Variants in CFAP221 observed in about 807,000 individuals in gnomAD.
CFAP221 encodes cilia- and flagella-associated protein 221.
CFAP221 carries 97 observed loss-of-function variants against 113.1 expected under a neutral mutation model. The ratio of observed to expected loss-of-function variants is 0.86; its 90% CI spans 0.73 to 1.02. CFAP221 has a LOEUF of 1.02. CFAP221 is among the 50% of genes least tolerant of loss of function. The pLI, the probability that CFAP221 is intolerant of heterozygous loss-of-function variation, is 0.00. For synonymous variants in CFAP221, 331 were observed against 354.4 expected, an observed-to-expected ratio of 0.93 and a Z score of 0.74; for missense variants, 1,025 against 1,013.4, an observed-to-expected ratio of 1.01 and a Z score of -0.16.
intron 6 of CFAP221, among the ~76,000 whole-genome samples, chr2:119,585,986 T>TA (rs1198584810): frequency 6.6e-6 from 1 of 152,134 alleles, no homozygotes; most frequent in Non-Finnish European, 1.5e-5. Flanking sequence ...CAAACCAGAT[T>TA]ACAACTGTGT....
Position 119,646,961 on chromosome 2 carries a change from C to A in CFAP221, c.2229C>A (p.Cys743Ter). The change falls in exon 22 of 24, where the codon TGC becomes TGA. Residue 743 changes from cysteine to a stop codon, truncating the protein, a stop_gained. Transcript: ENST00000413369. LOFTEE classifies it high-confidence loss of function. Reference protein sequence around the residue: ...DPSKMETTKSCDSFNSFMLPI... With the variant: ...DPSKMETTKS ...TGCTTGTGTGGTTTTTCCACAGCTG[C>A]GATTCCTTCAATTCATTTATGCTTC... The A allele has an allele frequency of 1.2e-6, 2 of 1,613,012 alleles. No individual in the cohort carries two copies. Among genetic ancestry groups the A allele is most frequent in the Non-Finnish European group, 1.7e-6 (2 of 1,179,268 alleles).
chr2:119,659,323 T>C (rs1688542891), downstream of CFAP221, among the ~76,000 whole-genome samples: 1 of 152,248 alleles, frequency 6.6e-6, no homozygotes, highest in African/African-American at 2.4e-5. Flanking sequence ...TCTGTTGCTT[T>C]CTTTGTCTCC....
chr2:119,608,792 C>G (rs1264009180), intron 12 of CFAP221, among the ~76,000 whole-genome samples: 1 of 152,054 alleles, frequency 6.6e-6, no homozygotes, highest in Non-Finnish European at 1.5e-5. Flanking sequence ...GATTCAGAAG[C>G]CAGAGAGGAG....
intron 7 of CFAP221, among the ~76,000 whole-genome samples, chr2:119,588,612 C>A (rs4405768): frequency 0.99 from 151,110 of 152,336 alleles, 74,960 homozygotes; most frequent in East Asian, 1. Context: ...CCTTTCCCTC[C>A]GTGCTCAGAT....
chr2:119,564,349 C>G (rs906197483), intron 6 of CFAP221, among the ~76,000 whole-genome samples: 1 of 152,156 alleles, frequency 6.6e-6, no homozygotes, highest in Non-Finnish European at 1.5e-5. Flanking sequence ...CTCACTCTCT[C>G]TGCTTACTTT....
intron 7 of CFAP221, among the ~76,000 whole-genome samples, chr2:119,590,534 G>A (rs539039796): frequency 2.5e-4 from 38 of 152,180 alleles, no homozygotes; most frequent in South Asian, 4.1e-4. Context: ...TGGACTTGCC[G>A]CTAGTCCAAT....
intron 2 of CFAP221, among the ~76,000 whole-genome samples, chr2:119,547,135 A>G (rs1328759689): frequency 6.6e-6 from 1 of 152,232 alleles, no homozygotes; most frequent in African/African-American, 2.4e-5. Context: ...GTATTTGGAT[A>G]TGCTTCTTTT....
At chr2:119,599,161 C>A (rs1292471354) in intron 7 of CFAP221, among the ~76,000 whole-genome samples, 3 of 152,194 alleles carry the variant, frequency 2.0e-5, no homozygotes, top group Non-Finnish European at 4.4e-5. Context: ...TTGACTTCTG[C>A]TCTCAGGAAA....
In CFAP221 at chr2:119,647,050, G is replaced by A. The variant is rs536391548; in HGVS notation, c.2318G>A (p.Arg773His). The A allele has an allele frequency of 8.9e-6, 13 of 1,467,602 alleles. No homozygotes were observed. The South Asian group carries it at 9.6e-5, about 11-fold the overall frequency. The allele number at this position is 1,467,602 out of a possible 1,614,324, so 90.9% of individuals were successfully genotyped here. A position where few individuals can be genotyped will look rare whatever the true frequency, so the allele number is the denominator to read the frequency against. Residue 773 changes from arginine (R) to histidine (H), a missense_variant and splice_region_variant, in exon 22 of 24, where the codon CGT becomes CAT. Transcript: ENST00000413369. ...PEEDRLETVE[R>H]ELCEQNVEVM... is the part of the protein sequence containing the mutation. ...GAGGACAGACTAGAAACAGTAGAAC[G>A]GTATTTTTTTTTTTTTTAATCTTTG...
At chr2:119,656,934 AG>A (rs1688467318), downstream of CFAP221, among the ~76,000 whole-genome samples, 2 of 152,280 alleles carry the variant, frequency 1.3e-5, no homozygotes, top group African/African-American at 4.8e-5. Context: ...AGACAGTGGC[AG>A]GGGACCTGGA....
chr2:119,550,057 C>T (rs1680312207), intron 3 of CFAP221, among the ~76,000 whole-genome samples: 1 of 152,158 alleles, frequency 6.6e-6, no homozygotes. Context: ...AGAACTACTC[C>T]AGTTCGGCCC....
At chr2:119,634,604 T>C (rs1215780157) in intron 19 of CFAP221, among the ~76,000 whole-genome samples, 1 of 152,144 alleles carries the variant, frequency 6.6e-6, no homozygotes, top group Non-Finnish European at 1.5e-5. Flanking sequence ...ATAAAAAAAG[T>C]GGCATATTCA....
intron 13 of CFAP221, among the ~76,000 whole-genome samples, chr2:119,613,717 G>T (rs1358708873): frequency 1.3e-5 from 2 of 152,200 alleles, no homozygotes; most frequent in Non-Finnish European, 2.9e-5. Flanking sequence ...GGGAGGGGCT[G>T]CCATGAAGAC....
At chr2:119,600,363 T>C (rs1684281144) in intron 7 of CFAP221, among the ~76,000 whole-genome samples, 1 of 152,192 alleles carries the variant, frequency 6.6e-6, no homozygotes, top group African/African-American at 2.4e-5. Context: ...AAGAACTGAA[T>C]TATTTGAACA....
intron 12 of CFAP221, 132 bp downstream of exon 12, chr2:119,608,721 G>A (rs1293789026): frequency 9.5e-6 from 7 of 738,990 alleles, no homozygotes; most frequent in Non-Finnish European, 1.6e-5. Flanking sequence ...CAAGTAAATT[G>A]TCAACCATAA....
intron 6 of CFAP221, among the ~76,000 whole-genome samples, chr2:119,584,852 T>G (rs1683101987): frequency 6.6e-6 from 1 of 152,212 alleles, no homozygotes; most frequent in Non-Finnish European, 1.5e-5. Flanking sequence ...AAGGTGTAAA[T>G]TGGTAAAGGG....
intron 3 of CFAP221, among the ~76,000 whole-genome samples, chr2:119,551,401 T>C (rs1003876673): frequency 6.6e-6 from 1 of 152,252 alleles, no homozygotes; most frequent in Non-Finnish European, 1.5e-5. Context: ...TTTATAGTTT[T>C]AGCTTTCATA....
At chr2:119,647,472 A>G (rs571246068) in intron 22 of CFAP221, among the ~76,000 whole-genome samples, 1 of 152,284 alleles carries the variant, frequency 6.6e-6, no homozygotes, top group African/African-American at 2.4e-5. Context: ...TGAATCTCCT[A>G]TCCGTATGCT....
rs573085855 is a variant in CFAP221, at chr2:119,581,725, T to A, written c.528-5394T>A. On this transcript the variant is annotated intron_variant, in intron 6 of 23. Transcript: ENST00000413369. The stretch of plus-strand genomic sequence containing the variant: ...TGGTAAGTGCATTCAAATATGAATA[T>A]CTAGCAGGATAAAGATAAATTTCTA... 2.0e-5 allele frequency among the ~76,000 whole-genome samples: 3 copies of A among 152,254 alleles called. No homozygotes were observed. In the South Asian group the frequency reaches 6.2e-4, roughly 32 times the overall value.
Sources: gnomAD v4.1 joint callset for allele counts (sites outside exome capture counted in the v4.1 genomes callset) on GRCh38, gnomAD v4.1.1 for gene constraint, MANE v1.5 for transcripts, NCBI Gene and HGNC (gene_info 2026-07-23, HGNC 2026-07-21) for gene names.